Variants in URB1 observed in about 807,000 individuals in gnomAD.
URB1 encodes the protein URB1 ribosome biogenesis factor, also known as nucleolar pre-ribosomal-associated protein 1.
In URB1, 197 loss-of-function variants were observed where a neutral mutation model predicts 242.3. The observed-to-expected ratio is 0.81, with a 90% CI of 0.72 to 0.91. The LOEUF (loss-of-function observed/expected upper bound fraction) is 0.91. Ranked by LOEUF, URB1 falls within the 40% of genes least tolerant of loss-of-function variation. The probability of loss-of-function intolerance (pLI) is 0.00; values close to 1 mark genes in which losing one functional copy is unlikely to be tolerated. For synonymous variants in URB1, 1,153 were observed against 1,201.8 expected (o/e 0.96, Z 0.84); for missense variants, 2,721 against 2,860.5 (o/e 0.95, Z 1.11).
intron 17 of URB1, 96 bp from the exon 18 acceptor site, chr21:32,354,199 A>G: frequency 7.0e-7 from 1 of 1,429,756 alleles, no homozygotes; most frequent in African/African-American, 1.4e-5. Flanking sequence ...TACGTGCAAA[A>G]AGAAAAAAGC....
In URB1 at chr21:32,349,313, G is replaced by A. The variant is rs2033128803; in HGVS notation, c.3003C>T (p.Ala1001=). 1 of 1,542,672 alleles carries A rather than the reference G, an allele frequency of 6.5e-7. No individual in the cohort carries two copies. Among genetic ancestry groups the A allele is most frequent in the East Asian group, 2.5e-5 (1 of 40,774 alleles). The change falls in exon 21 of 39, where the codon GCC becomes GCT. Residue 1001 remains alanine (A), a synonymous_variant. Transcript: ENST00000382751. ...DMESVASLEL[A]NDQTLEEVLV... is the part of the protein sequence containing the mutation. ...CAACCTGTGGCGGTACCTGATCATT[G>A]GCCAACTCCAGCGAGGCCACGGACT...
chr21:32,333,089 T>G, intron 30 of URB1: 23 of 496,164 alleles, frequency 4.6e-5, no homozygotes, highest in Admixed American at 7.5e-5. Flanking sequence ...CATTTCCAGA[T>G]TTTAAAATTA....
At chr21:32,388,167 A>C (rs1192026545) in intron 1 of URB1, among the ~76,000 whole-genome samples, 1 of 152,200 alleles carries the variant, frequency 6.6e-6, no homozygotes, top group African/African-American at 2.4e-5. Flanking sequence ...CCTGGGCACA[A>C]ATCCCCGCTC....
Position 32,392,866 on chromosome 21 carries a change from C to G in URB1, c.45G>C (p.Ala15=). 6.5e-7 allele frequency: 1 copy of G among 1,533,082 alleles called. No homozygotes were observed. The highest frequency in any genetic ancestry group is 8.7e-7 in the Non-Finnish European group (1 of 1,145,092). 95.0% of individuals were successfully genotyped at this position (1,533,082 alleles called of 1,614,324 possible). ...KRKASGGQDG[A]ASSAGAAKRA... The stretch of plus-strand genomic sequence containing the variant: ...GCTTGGCTGCACCCGCGGAGGAAGC[C>G]GCGCCGTCCTGGCCGCCCGAGGCCT... Residue 15 remains alanine (A), a synonymous_variant, in exon 1 of 39, where the codon GCG becomes GCC. Transcript: ENST00000382751.
At chr21:32,360,023 G>T in intron 13 of URB1, 115 bp from the exon 14 acceptor site, 2 of 926,130 alleles carry the variant, frequency 2.2e-6, no homozygotes, top group Non-Finnish European at 3.3e-6. Context: ...AAGGGTGGAT[G>T]CAGGGTTCTG....
At chr21:32,375,780 A>G (rs536908200) in intron 5 of URB1, among the ~76,000 whole-genome samples, 4 of 151,490 alleles carry the variant, frequency 2.6e-5, no homozygotes, top group African/African-American at 9.7e-5. Context: ...CCCTGTCTCC[A>G]AAAAAAAATT....
intron 24 of URB1, 53 bp from the exon 25 acceptor site, chr21:32,341,577 A>G: frequency 1.3e-6 from 2 of 1,503,920 alleles, no homozygotes; most frequent in Non-Finnish European, 1.8e-6. Flanking sequence ...TCTACAAAAT[A>G]CTAAAAGGCC....
intron 5 of URB1, chr21:32,377,296 G>A (rs758287596): frequency 7.8e-6 from 4 of 511,830 alleles, no homozygotes; most frequent in East Asian, 5.5e-5. Context: ...CCAGGGGGAC[G>A]GGCCCATCAT....
chr21:32,392,884 C>T lies in URB1; in HGVS notation c.27G>A (p.Ser9=), dbSNP rs2033656268. The change falls in exon 1 of 39, where the codon TCG becomes TCA. Residue 9 remains serine, a synonymous_variant. Transcript: ENST00000382751. MGVPKRKA[S]GGQDGAASSA... is the part of the protein sequence containing the mutation. ...AGGAAGCCGCGCCGTCCTGGCCGCC[C>T]GAGGCCTTCCTCTTGGGGACCCCCA... The T allele has an allele frequency of 4.6e-6, 7 of 1,529,208 alleles. No individual in the cohort carries two copies. Among genetic ancestry groups the T allele is most frequent in the Non-Finnish European group, 6.1e-6 (7 of 1,143,636 alleles). The allele number at this position is 1,529,208 out of a possible 1,614,324, so 94.7% of individuals were successfully genotyped here.
Position 32,311,553 on chromosome 21 carries a change from G to A in URB1, c.*3365C>T. On this transcript the variant is annotated 3_prime_UTR_variant, in exon 39 of 39. Transcript: ENST00000382751. ...TTGTGAGCTGGCTGACCCTTCTCAGGAATTTGCCTGTGTGGCCTTCCCTAT... is the reference window on the plus strand; with the variant it reads ...TTGTGAGCTGGCTGACCCTTCTCAGAAATTTGCCTGTGTGGCCTTCCCTAT... 2 of 1,348,328 alleles carry A rather than the reference G, an allele frequency of 1.5e-6. No individual in the cohort carries two copies. The highest frequency in any genetic ancestry group is 2.0e-6 in the Non-Finnish European group (2 of 992,638). The allele number at this position is 1,348,328 out of a possible 1,614,324, so 83.5% of individuals were successfully genotyped here.
At chr21:32,354,756 C>T (rs776420508) in intron 17 of URB1, 103 bp downstream of exon 17, 2 of 1,421,000 alleles carry the variant, frequency 1.4e-6, no homozygotes, top group Non-Finnish European at 1.9e-6. Context: ...ACTGTGTGCA[C>T]TTGGCCTAGG....
intron 11 of URB1, among the ~76,000 whole-genome samples, chr21:32,362,686 G>C (rs2033302421): frequency 6.6e-6 from 1 of 152,148 alleles, no homozygotes; most frequent in Non-Finnish European, 1.5e-5. Flanking sequence ...GGGGCTCTCA[G>C]AGCAGCCGGC....
intron 7 of URB1, among the ~76,000 whole-genome samples, chr21:32,373,420 A>G (rs1344994030): frequency 1.3e-5 from 2 of 151,650 alleles, no homozygotes; most frequent in African/African-American, 4.9e-5. Flanking sequence ...CAAGGAAATC[A>G]TAGTTTTCTA....
At chr21:32,317,966 C>T in intron 36 of URB1, 49 bp from the exon 37 acceptor site, 1 of 1,545,128 alleles carries the variant, frequency 6.5e-7, no homozygotes, top group Non-Finnish European at 8.7e-7. Context: ...CTGCCCCTGC[C>T]TGGCAGTCAG....
chr21:32,357,314 TAAA>T (rs76266853), intron 15 of URB1, among the ~76,000 whole-genome samples: 4 of 79,328 alleles, frequency 5.0e-5, no homozygotes, highest in Non-Finnish European at 7.8e-5. Context: ...ATGACCTACC[TAAA>T]AAAAAAAAAA....
intron 36 of URB1, among the ~76,000 whole-genome samples, chr21:32,318,696 G>A (rs934214253): frequency 3.9e-5 from 6 of 152,182 alleles, no homozygotes; most frequent in Non-Finnish European, 8.8e-5. Flanking sequence ...GAATTGGAGG[G>A]AAATTTAGCT....
At chr21:32,359,769 C>A (rs1472556064) in intron 14 of URB1, 27 bp downstream of exon 14, 2 of 1,526,084 alleles carry the variant, frequency 1.3e-6, no homozygotes, top group African/African-American at 1.4e-5. Flanking sequence ...AAGCTTAGGG[C>A]AGAAGACTGG....
Position 32,344,210 on chromosome 21 carries a change from T to A in URB1, c.4257+360A>T, listed in dbSNP as rs188028663. 4.0e-3 allele frequency among the ~76,000 whole-genome samples: 601 copies of A among 152,110 alleles called. 5 individuals are homozygous for A. Among genetic ancestry groups the A allele is most frequent in the Non-Finnish European group, 4.7e-3 (321 of 68,002 alleles). Reference sequence around the variant, plus strand: ...TCAAACAATATATAAAAATAACACATCAAAATCAAGCAGGCTTATCCCAGG... The same window carrying A: ...TCAAACAATATATAAAAATAACACAACAAAATCAAGCAGGCTTATCCCAGG... On this transcript the variant is annotated intron_variant, in intron 24 of 38. Coordinates refer to ENST00000382751, the MANE Select transcript of URB1 (RefSeq NM_014825.3).
chr21:32,334,856 C>T (rs767126450), intron 28 of URB1, among the ~76,000 whole-genome samples: 2 of 152,180 alleles, frequency 1.3e-5, no homozygotes, highest in Non-Finnish European at 2.9e-5. Flanking sequence ...CCTACACAAG[C>T]CTTTCGGCTA....
Sources: allele counts gnomAD v4.1 joint callset (sites outside exome capture counted in the v4.1 genomes callset), GRCh38; gene constraint gnomAD v4.1.1; transcripts MANE v1.5; gene names NCBI Gene and HGNC (gene_info 2026-07-23, HGNC 2026-07-21).